Variants in SGCD observed in about 807,000 individuals in gnomAD.
SGCD encodes sarcoglycan delta.
SGCD carries 18 observed loss-of-function variants against 36.6 expected under a neutral mutation model. The ratio of observed to expected loss-of-function variants is 0.49; its 90% confidence interval spans 0.34 to 0.73. The LOEUF (loss-of-function observed/expected upper bound fraction) is 0.73. Among genes scored for constraint, SGCD ranks in the 30% least tolerant of loss-of-function variants. The probability of loss-of-function intolerance (pLI) is 0.01; values close to 1 mark genes in which losing one functional copy is unlikely to be tolerated. For missense variants in SGCD, 387 were observed against 346.7 expected (o/e 1.12, Z -0.92); for synonymous variants, 133 against 130.6 (o/e 1.02, Z -0.12).
intron 7 of SGCD, among the ~76,000 whole-genome samples, chr5:156,667,168 CAA>C (rs1407833870): frequency 6.6e-6 from 1 of 152,108 alleles, no homozygotes; most frequent in Non-Finnish European, 1.5e-5. Context: ...ATCCATAATT[CAA>C]AACACTTCTG....
rs1755798746 is a variant in SGCD, at chr5:155,877,901, T to A, written c.-282+7477T>A. Among the ~76,000 whole-genome samples the A allele has an allele frequency of 3.3e-5, 5 of 152,232 alleles. No homozygotes were observed. The South Asian group carries it at 1.0e-3, about 32-fold the overall frequency. On this transcript the variant is annotated intron_variant, in intron 1 of 9. Transcript: ENST00000517913. ...AGTATGCAGAAATTACATGTTAAGGTCAAACTCTGTCTCATACCATTTGTC... is the reference window on the plus strand; with the variant it reads ...AGTATGCAGAAATTACATGTTAAGGACAAACTCTGTCTCATACCATTTGTC...
chr5:156,712,961 C>A (rs1240511484), intron 7 of SGCD, among the ~76,000 whole-genome samples: 1 of 152,144 alleles, frequency 6.6e-6, no homozygotes, highest in Non-Finnish European at 1.5e-5. Flanking sequence ...GTCTCTCTTG[C>A]CATCATCTAG....
chr5:156,745,707 A>G (rs1756910791), intron 7 of SGCD, among the ~76,000 whole-genome samples: 1 of 151,972 alleles, frequency 6.6e-6, no homozygotes, highest in African/African-American at 2.4e-5. Flanking sequence ...TTAACAGAGT[A>G]AAAAATAAAG....
At chr5:155,851,837 G>T in the SGCD span, among the ~76,000 whole-genome samples, 1 of 152,168 alleles carries the variant, frequency 6.6e-6, no homozygotes, top group Non-Finnish European at 1.5e-5. Context: ...GTGTTGAACT[G>T]GATGGTGTCT....
At chr5:156,475,233 C>G (rs775354556) in intron 3 of SGCD, among the ~76,000 whole-genome samples, 1 of 152,182 alleles carries the variant, frequency 6.6e-6, no homozygotes, top group Non-Finnish European at 1.5e-5. Flanking sequence ...ATTACAGGGT[C>G]TCTCCCATGT....
At chr5:156,582,033 G>C (rs529960588) in intron 4 of SGCD, among the ~76,000 whole-genome samples, 1 of 152,196 alleles carries the variant, frequency 6.6e-6, no homozygotes, top group South Asian at 2.1e-4. Context: ...GACCAGAGCT[G>C]TTCCTATTCA....
the SGCD span, among the ~76,000 whole-genome samples, chr5:155,792,227 A>T: frequency 6.6e-6 from 1 of 152,064 alleles, no homozygotes; most frequent in African/African-American, 2.4e-5. Context: ...CTAGACCCTT[A>T]CCTTTCACCA....
chr5:156,529,511 CAA>C (rs1198885257), intron 4 of SGCD, among the ~76,000 whole-genome samples: 7 of 136,220 alleles, frequency 5.1e-5, no homozygotes, highest in African/African-American at 1.1e-4. Context: ...ATGTTGTTGG[CAA>C]AAAAAAAAAT....
chr5:156,218,828 G>A (rs1035078907), intron 3 of SGCD, among the ~76,000 whole-genome samples: 1 of 152,040 alleles, frequency 6.6e-6, no homozygotes, highest in African/African-American at 2.4e-5. Context: ...CTGTTTTCAT[G>A]TTTATCTTAA....
At chr5:156,283,125 G>A (rs192685191) in intron 3 of SGCD, among the ~76,000 whole-genome samples, 2 of 152,250 alleles carry the variant, frequency 1.3e-5, no homozygotes, top group African/African-American at 4.8e-5. Flanking sequence ...ATATAATAGG[G>A]ATGTTTAACT....
chr5:156,270,747 C>T (rs1398782802), intron 3 of SGCD, among the ~76,000 whole-genome samples: 6 of 152,114 alleles, frequency 3.9e-5, no homozygotes, highest in Admixed American at 3.9e-4. Context: ...CCTTTTTCTC[C>T]TCATCTGTGT....
At chr5:155,913,291 C>A (rs1008108905) in intron 1 of SGCD, among the ~76,000 whole-genome samples, 2 of 152,116 alleles carry the variant, frequency 1.3e-5, no homozygotes, top group African/African-American at 4.8e-5. Flanking sequence ...CCAGGGATTA[C>A]CTTGTCTGCA....
intron 4 of SGCD, among the ~76,000 whole-genome samples, chr5:156,569,838 A>G (rs1171811179): frequency 6.6e-6 from 1 of 152,114 alleles, no homozygotes; most frequent in Non-Finnish European, 1.5e-5. Context: ...TGTTTGAAGA[A>G]CAGAAAGAGG....
At chr5:156,465,697 C>A (rs1316467627) in intron 3 of SGCD, among the ~76,000 whole-genome samples, 1 of 152,160 alleles carries the variant, frequency 6.6e-6, no homozygotes, top group Non-Finnish European at 1.5e-5. Context: ...TTCTCTTGTC[C>A]CACACTTCCA....
Position 156,209,948 on chromosome 5 carries a change from G to A in SGCD, c.-44+85929G>A, listed in dbSNP as rs113047275. ...CACAATGGGCTCAGATCCCAGGCTCGTTCCAGTGCCAGCCCAACTTCTGCA... is the reference window on the plus strand; with the variant it reads ...CACAATGGGCTCAGATCCCAGGCTCATTCCAGTGCCAGCCCAACTTCTGCA... On this transcript the variant is annotated intron_variant, in intron 3 of 9. Coordinates refer to the SGCD transcript ENST00000517913. Among the ~76,000 whole-genome samples, 804 of 152,262 alleles carry A rather than the reference G, an allele frequency of 5.3e-3. 2 individuals carry two copies. The highest frequency in any genetic ancestry group is 8.0e-3 in the Non-Finnish European group (541 of 68,016).
intron 4 of SGCD, among the ~76,000 whole-genome samples, chr5:156,563,461 G>C (rs1003322277): frequency 6.6e-5 from 10 of 152,190 alleles, no homozygotes; most frequent in African/African-American, 2.4e-4. Flanking sequence ...GATCCTATGG[G>C]TCTGACGCTG....
upstream of SGCD, among the ~76,000 whole-genome samples, chr5:155,868,905 C>T (rs1450478881): frequency 3.3e-5 from 5 of 152,054 alleles, no homozygotes; most frequent in Admixed American, 6.6e-5. Flanking sequence ...CCTGAAATAG[C>T]AAGAAATGTG....
chr5:156,544,031 C>A (rs967908960), intron 4 of SGCD, among the ~76,000 whole-genome samples: 4 of 152,176 alleles, frequency 2.6e-5, no homozygotes, highest in Admixed American at 2.0e-4. Flanking sequence ...TGAATTAAAT[C>A]TCTTCTCTGA....
the SGCD span, among the ~76,000 whole-genome samples, chr5:155,729,449 C>G: frequency 2.6e-5 from 4 of 152,216 alleles, no homozygotes; most frequent in Non-Finnish European, 4.4e-5. Flanking sequence ...GAGAAAGAGA[C>G]AGAGAGACAT....
Sources: gnomAD v4.1 joint callset for allele counts (sites outside exome capture counted in the v4.1 genomes callset) on GRCh38, gnomAD v4.1.1 for gene constraint, MANE v1.5 for transcripts, NCBI Gene and HGNC (gene_info 2026-07-23, HGNC 2026-07-21) for gene names.